NFYC: variants seen among roughly 807,000 people sequenced by gnomAD.
NFYC encodes the protein CAAT box DNA-binding protein subunit C.
NFYC carries 25 observed loss-of-function variants against 53.1 expected under a neutral mutation model. The ratio of observed to expected loss-of-function variants is 0.47; its 90% confidence interval spans 0.34 to 0.66. NFYC has a LOEUF of 0.66. Ranked by LOEUF, NFYC falls within the 30% of genes least tolerant of loss-of-function variation. The pLI is 0.01. For synonymous variants in NFYC, 145 were observed against 152.6 expected, an observed-to-expected ratio of 0.95 and a Z score of 0.37; for missense variants, 260 against 422.7, an observed-to-expected ratio of 0.62 and a Z score of 3.38.
intron 5 of NFYC, among the ~76,000 whole-genome samples, chr1:40,757,613 A>C (rs1646297604): frequency 6.6e-6 from 1 of 152,196 alleles, no homozygotes; most frequent in Non-Finnish European, 1.5e-5. Context: ...TCGATCCTGA[A>C]ATTTCAGCTC....
intron 1 of NFYC, among the ~76,000 whole-genome samples, chr1:40,716,926 C>G (rs1263024656): frequency 6.9e-6 from 1 of 145,330 alleles, no homozygotes; most frequent in East Asian, 2.0e-4. Context: ...GTCTGGGTGA[C>G]TGGAGGATAG....
chr1:40,732,201 C>T (rs1369824502), intron 1 of NFYC, among the ~76,000 whole-genome samples: 2 of 152,138 alleles, frequency 1.3e-5, no homozygotes, highest in Non-Finnish European at 2.9e-5. Context: ...GTTTAGGCTA[C>T]TATAAAAGAG....
Position 40,721,892 on chromosome 1 carries a change from C to T in NFYC, c.-8-16944C>T, listed in dbSNP as rs569450082. 3.9e-4 allele frequency among the ~76,000 whole-genome samples: 60 copies of T among 152,084 alleles called. 1 individual carries two copies. The South Asian group carries it at 0.011, about 28-fold the overall frequency. On this transcript the variant is annotated intron_variant, in intron 1 of 9. Transcript: ENST00000447388. ...GAGACATATTCTAAGAATTGAAGGC[C>T]GGGCGCGGTGGCTCATGCCTGTAAT... is the stretch of plus-strand genomic sequence containing the variant.
rs35467973 is a variant in NFYC, at chr1:40,733,019, C to CCCT, written c.-8-5817_-8-5816insCCT. On this transcript the variant is annotated intron_variant, in intron 1 of 9. Transcript: ENST00000447388. ...GCTTTCCAAGATTCGCCCCCCCCCC[C>CCCT]TTTTTTTTTTTTCCTGAAAGGCCAT... 6.8e-3 allele frequency among the ~76,000 whole-genome samples: 703 copies of CCCT among 103,156 alleles called. 29 individuals carry two copies. The highest frequency in any genetic ancestry group is 0.025 in the East Asian group (83 of 3,386). 67.7% of individuals were successfully genotyped at this position (103,156 alleles called of 152,430 possible).
chr1:40,770,964 A>AC lies in NFYC; in HGVS notation c.*140dup. The stretch of plus-strand genomic sequence containing the variant: ...GCAGGCTAGGACACTGGTGCACTAC[A>AC]CCCCATGCCTGGGGGCCGAGATTCT... On this transcript the variant is annotated 3_prime_UTR_variant, in exon 10 of 10. Transcript: ENST00000447388. The surrounding 1 kb of genome is among the most constrained non-coding windows in gnomAD (Gnocchi z 5.3). The AC allele has an allele frequency of 1.2e-6, 1 of 829,248 alleles. No homozygotes were observed. The allele number at this position is 829,248 out of a possible 1,614,324, so 51.4% of individuals were successfully genotyped here. A position where few individuals can be genotyped will look rare whatever the true frequency, so the allele number is the denominator to read the frequency against.
At position 40,770,515 on chromosome 1, in the gene NFYC, C is replaced by A. The variant is rs778181661; in HGVS notation, c.889-194C>A. 2.6e-5 allele frequency: 41 copies of A among 1,556,658 alleles called. No homozygotes were observed. The highest frequency in any genetic ancestry group is 5.5e-5 in the African/African-American group (4 of 73,178). On this transcript the variant is annotated intron_variant, in intron 9 of 9. Coordinates refer to ENST00000447388, the MANE Select transcript of NFYC (RefSeq NM_014223.5). This position sits in a 1 kb window ranked among gnomAD's most constrained non-coding sequence, Gnocchi z 5.3. ...TCTTCCCTGCCCACCACACACCCCC[C>A]CTCACACCGGGCTGGTGCCTCCTGT...
rs149538030 is a variant in NFYC, at chr1:40,731,450, G to A, written c.-8-7386G>A. ...TCAGCCTCCCAAAGTTGGGGTTACAGGTGTGAGCCACCGCACCTGGCCTTT... is the reference window on the plus strand; with the variant it reads ...TCAGCCTCCCAAAGTTGGGGTTACAAGTGTGAGCCACCGCACCTGGCCTTT... On this transcript the variant is annotated intron_variant, in intron 1 of 9. Transcript: ENST00000447388. 5.0e-3 allele frequency among the ~76,000 whole-genome samples: 752 copies of A among 151,142 alleles called. 5 individuals carry two copies. Among genetic ancestry groups the A allele is most frequent in the African/African-American group, 0.018 (730 of 41,108 alleles).
intron 1 of NFYC, among the ~76,000 whole-genome samples, chr1:40,700,464 C>A (rs1570300193): frequency 6.6e-6 from 1 of 152,146 alleles, no homozygotes; most frequent in African/African-American, 2.4e-5. Context: ...GCCTCAGCTT[C>A]CTGAGTAGCT....
intron 1 of NFYC, among the ~76,000 whole-genome samples, chr1:40,723,974 G>C (rs1644416272): frequency 6.6e-6 from 1 of 152,290 alleles, no homozygotes; most frequent in South Asian, 2.1e-4. Context: ...ACCATGCCTG[G>C]CTGAACCTTT....
intron 1 of NFYC, chr1:40,730,491 C>T: frequency 1.1e-6 from 1 of 908,628 alleles, no homozygotes; most frequent in Non-Finnish European, 1.3e-6. Context: ...AGAGCAGTAT[C>T]TGTGAAGCAC....
At chr1:40,749,206 A>T (rs1448523414) in intron 3 of NFYC, among the ~76,000 whole-genome samples, 1 of 152,170 alleles carries the variant, frequency 6.6e-6, no homozygotes, top group Non-Finnish European at 1.5e-5. Flanking sequence ...TTGGCTTTCA[A>T]GCTCATTCTC....
At chr1:40,734,533 G>A (rs1352599070) in intron 1 of NFYC, among the ~76,000 whole-genome samples, 1 of 151,840 alleles carries the variant, frequency 6.6e-6, no homozygotes, top group Non-Finnish European at 1.5e-5. Flanking sequence ...GCTAATTTTT[G>A]CATTTTTAGT....
chr1:40,760,952 A>C (rs1239429424), intron 6 of NFYC, among the ~76,000 whole-genome samples: 1 of 152,116 alleles, frequency 6.6e-6, no homozygotes, highest in Non-Finnish European at 1.5e-5. Context: ...TTACCTGCCA[A>C]AGGCTTTATC....
At chr1:40,768,968 A>G (rs546205559) in intron 8 of NFYC, 66 of 175,444 alleles carry the variant, frequency 3.8e-4, no homozygotes, top group Middle Eastern at 2.7e-3. Flanking sequence ...TTTGTCTGAC[A>G]CTTTGCAGTC....
intron 5 of NFYC, among the ~76,000 whole-genome samples, chr1:40,755,458 G>GT (rs1646160794): frequency 6.6e-6 from 1 of 152,264 alleles, no homozygotes; most frequent in African/African-American, 2.4e-5. Flanking sequence ...ATACTTGAGA[G>GT]TTTCGCTTGT....
intron 1 of NFYC, among the ~76,000 whole-genome samples, chr1:40,697,152 A>G (rs891161258): frequency 6.6e-6 from 1 of 152,228 alleles, no homozygotes; most frequent in African/African-American, 2.4e-5. Context: ...TAGGGTAATT[A>G]TGAGAAATGA....
rs576825265 is a variant in NFYC, at chr1:40,748,700, T to G, written c.178-873T>G. 3.9e-5 allele frequency among the ~76,000 whole-genome samples: 6 copies of G among 152,334 alleles called. No individual in the cohort carries two copies. The East Asian group carries it at 9.6e-4, about 24-fold the overall frequency. Reference sequence around the variant, plus strand: ...ACAGATCTCAGAGAAAGAGGAACTCTGTCTCTTTACCACTCAAAATTAATA... The same window carrying G: ...ACAGATCTCAGAGAAAGAGGAACTCGGTCTCTTTACCACTCAAAATTAATA... On this transcript the variant is annotated intron_variant, in intron 3 of 9. Transcript: ENST00000447388.
intron 1 of NFYC, among the ~76,000 whole-genome samples, chr1:40,715,324 A>G (rs1419613717): frequency 2.0e-5 from 3 of 151,966 alleles, no homozygotes; most frequent in Non-Finnish European, 2.9e-5. Flanking sequence ...GGGAGGTTGC[A>G]GTGAGCCATG....
chr1:40,755,588 C>G (rs1429321939), intron 5 of NFYC, among the ~76,000 whole-genome samples: 1 of 152,156 alleles, frequency 6.6e-6, no homozygotes, highest in African/African-American at 2.4e-5. Context: ...ATCTTTTCAC[C>G]CATTTCTTTA....
Sources: allele counts gnomAD v4.1 joint callset (sites outside exome capture counted in the v4.1 genomes callset), GRCh38; gene constraint gnomAD v4.1.1; non-coding constraint Gnocchi (gnomAD v3.1); transcripts MANE v1.5; gene names NCBI Gene and HGNC (gene_info 2026-07-23, HGNC 2026-07-21).